DSCAML1: variants seen among roughly 807,000 people sequenced by gnomAD.
The protein encoded by DSCAML1 is DS cell adhesion molecule like 1, also known as cell adhesion molecule DSCAML1.
Under a neutral mutation model 200.5 loss-of-function variants are expected in DSCAML1, and 38 were observed. That is an observed-to-expected ratio of 0.19 (90% CI 0.15 to 0.25). The LOEUF is 0.25. Ranked by LOEUF, DSCAML1 falls within the 10% of genes least tolerant of loss-of-function variation. The probability of loss-of-function intolerance (pLI) is 1.00; values close to 1 mark genes in which losing one functional copy is unlikely to be tolerated. For missense variants in DSCAML1, 2,223 were observed against 2,858.8 expected, an observed-to-expected ratio of 0.78 and a Z score of 5.07; for synonymous variants, 1,215 against 1,165.0, an observed-to-expected ratio of 1.04 and a Z score of -0.87.
Position 117,480,589 on chromosome 11 carries a change from AG to A in DSCAML1, c.2657-19del. On this transcript the variant is annotated intron_variant, in intron 13 of 32. Transcript: ENST00000651296. The surrounding 1 kb of genome is among the most constrained non-coding windows in gnomAD (Gnocchi z 4.1). Reference sequence around the variant, plus strand: ...GGGGGGCTCTAGGGTGCGGCAGTGGAGGGGAGGGAAGTGAGGAGGGCAGCAG... The same window carrying A: ...GGGGGGCTCTAGGGTGCGGCAGTGGAGGGAGGGAAGTGAGGAGGGCAGCAG... The A allele has an allele frequency of 6.4e-7, 1 of 1,551,846 alleles. No individual in the cohort carries two copies. The highest frequency in any genetic ancestry group is 8.7e-7 in the Non-Finnish European group (1 of 1,147,438).
At chr11:117,622,825 C>T (rs932057261) in intron 3 of DSCAML1, among the ~76,000 whole-genome samples, 1 of 152,090 alleles carries the variant, frequency 6.6e-6, no homozygotes. Flanking sequence ...TCCCATGCTG[C>T]ACTTCTAAAG....
At chr11:117,704,584 G>T (rs2053725759) in intron 3 of DSCAML1, among the ~76,000 whole-genome samples, 1 of 152,220 alleles carries the variant, frequency 6.6e-6, no homozygotes, top group Non-Finnish European at 1.5e-5. Flanking sequence ...AGCAGGAGCT[G>T]CGGGGAGGAG....
intron 3 of DSCAML1, among the ~76,000 whole-genome samples, chr11:117,584,398 C>T (rs1364556390): frequency 6.6e-6 from 1 of 152,186 alleles, no homozygotes; most frequent in South Asian, 2.1e-4. Flanking sequence ...GAGGAAAAAA[C>T]CAATCCCAAA....
chr11:117,576,777 GC>G (rs1337610375), intron 3 of DSCAML1, among the ~76,000 whole-genome samples: 1 of 152,160 alleles, frequency 6.6e-6, no homozygotes, highest in East Asian at 1.9e-4. Flanking sequence ...GCCCAGCTGT[GC>G]CCCGAGTGTC....
chr11:117,428,341 T>C lies in DSCAML1; in HGVS notation c.6149A>G (p.Tyr2050Cys). The C allele has an allele frequency of 1.3e-6, 2 of 1,552,808 alleles. No individual in the cohort carries two copies. The highest frequency in any genetic ancestry group is 2.3e-5 in the East Asian group (1 of 44,360). ...KQGAGAYSKS[Y>C]TLV ...TTCCTGCGGGCCCTACACCAGGGTGTAGGATTTGGAGTAGGCCCCGGCCCC... is the reference window on the plus strand; with the variant it reads ...TTCCTGCGGGCCCTACACCAGGGTGCAGGATTTGGAGTAGGCCCCGGCCCC... The change falls in exon 33 of 33, where the codon TAC (tyrosine) becomes TGC (cysteine). Residue 2050 changes from tyrosine to cysteine, a missense_variant. Tyr to Cys is a radical substitution (Grantham distance 194). This residue lies in a region of DSCAML1 where 280 missense variants were observed against 213.4 expected (regional missense o/e 1.31). Coordinates refer to ENST00000651296, the MANE Select transcript of DSCAML1 (RefSeq NM_020693.4).
At chr11:117,472,622 G>A (rs1314372327) in intron 14 of DSCAML1, among the ~76,000 whole-genome samples, 1 of 152,164 alleles carries the variant, frequency 6.6e-6, no homozygotes, top group East Asian at 1.9e-4. Flanking sequence ...ATCGACAGGA[G>A]GATGGTTTCA....
chr11:117,719,277 A>G (rs1214842579), intron 3 of DSCAML1, among the ~76,000 whole-genome samples: 1 of 152,184 alleles, frequency 6.6e-6, no homozygotes, highest in African/African-American at 2.4e-5. Context: ...TCTGCTAAAA[A>G]TCCAAAAAAT....
At chr11:117,626,386 T>C (rs898265765) in intron 3 of DSCAML1, among the ~76,000 whole-genome samples, 1 of 152,166 alleles carries the variant, frequency 6.6e-6, no homozygotes, top group South Asian at 2.1e-4. Context: ...AATGTAGGCA[T>C]TTCATGCTGC....
chr11:117,696,816 T>A (rs2053594150), intron 3 of DSCAML1, among the ~76,000 whole-genome samples: 1 of 152,222 alleles, frequency 6.6e-6, no homozygotes, highest in African/African-American at 2.4e-5. Flanking sequence ...TGCTCACTAT[T>A]CAGCTCACTT....
chr11:117,577,458 T>TTTCCTTCCTTCCTTCC (rs1182143268), intron 3 of DSCAML1, among the ~76,000 whole-genome samples: 2 of 57,384 alleles, frequency 3.5e-5, no homozygotes, highest in Non-Finnish European at 7.4e-5. Context: ...CCTTCCTTCC[T>TTTCCTTCCTTCCTTCC]TTCCTTCCTT....
intron 20 of DSCAML1, among the ~76,000 whole-genome samples, chr11:117,445,850 A>T (rs1023457402): frequency 6.6e-6 from 1 of 152,090 alleles, no homozygotes; most frequent in Non-Finnish European, 1.5e-5. Context: ...TAACCTGGAC[A>T]CCCCGTGAGT....
chr11:117,537,773 C>T (rs550791413), intron 3 of DSCAML1, among the ~76,000 whole-genome samples: 28 of 152,264 alleles, frequency 1.8e-4, no homozygotes, highest in African/African-American at 6.0e-4. Flanking sequence ...GGAGGATGCA[C>T]GTAACAGCAA....
chr11:117,616,276 A>G (rs1357621553), intron 3 of DSCAML1, among the ~76,000 whole-genome samples: 1 of 152,232 alleles, frequency 6.6e-6, no homozygotes, highest in Admixed American at 6.5e-5. Context: ...TGGGAGAGTC[A>G]GAGCTGGAGA....
Position 117,480,356 on chromosome 11 carries a change from G to T in DSCAML1, c.2785+87C>A. ...TGGATGGGCAGCCCTAAGGCTCAGG[G>T]GCTCTCCTCCCAGAGGGCACAGGCA... On this transcript the variant is annotated intron_variant, in intron 14 of 32. Coordinates refer to ENST00000651296, the MANE Select transcript of DSCAML1 (RefSeq NM_020693.4). The surrounding 1 kb of genome is among the most constrained non-coding windows in gnomAD (Gnocchi z 4.1). The T allele has an allele frequency of 2.6e-6, 4 of 1,563,842 alleles. No homozygotes were observed. Among genetic ancestry groups the T allele is most frequent in the Non-Finnish European group, 3.5e-6 (4 of 1,151,734 alleles).
At chr11:117,474,775 G>C (rs2048754588) in intron 14 of DSCAML1, among the ~76,000 whole-genome samples, 1 of 144,486 alleles carries the variant, frequency 6.9e-6, no homozygotes, top group Non-Finnish European at 1.5e-5. Context: ...TTTTTTTTGA[G>C]ATGGAGTCTC....
chr11:117,688,993 C>T (rs550444436), intron 3 of DSCAML1, among the ~76,000 whole-genome samples: 3 of 152,162 alleles, frequency 2.0e-5, no homozygotes, highest in Non-Finnish European at 4.4e-5. Flanking sequence ...GGTCTCGGAG[C>T]AACAGAGACC....
At chr11:117,665,608 A>G (rs2052959694) in intron 3 of DSCAML1, among the ~76,000 whole-genome samples, 1 of 152,208 alleles carries the variant, frequency 6.6e-6, no homozygotes, top group Non-Finnish European at 1.5e-5. Context: ...CTATCTCTGC[A>G]GCCAGGTATT....
At chr11:117,501,338 C>T (rs2049390088) in intron 11 of DSCAML1, among the ~76,000 whole-genome samples, 1 of 152,042 alleles carries the variant, frequency 6.6e-6, no homozygotes, top group Non-Finnish European at 1.5e-5. Flanking sequence ...CACCCAGTGC[C>T]CACTTCCACC....
intron 1 of DSCAML1, among the ~76,000 whole-genome samples, chr11:117,812,686 C>T (rs1231345330): frequency 1.3e-5 from 2 of 151,266 alleles, no homozygotes; most frequent in African/African-American, 4.8e-5. Context: ...TCATCCTCAT[C>T]TGTTACCTAT....
Sources: allele counts gnomAD v4.1 joint callset (sites outside exome capture counted in the v4.1 genomes callset), GRCh38; gene constraint gnomAD v4.1.1; regional missense constraint gnomAD v4.1.1; non-coding constraint Gnocchi (gnomAD v3.1); transcripts MANE v1.5; gene names NCBI Gene and HGNC (gene_info 2026-07-23, HGNC 2026-07-21).